Variants in MIDN observed in about 807,000 individuals in gnomAD.
MIDN encodes the protein midnolin.
In MIDN, 26 loss-of-function variants were observed where a neutral mutation model predicts 46.1. That is an observed-to-expected ratio of 0.56 (90% CI 0.41 to 0.78). The LOEUF is 0.78. Ranked by LOEUF, MIDN falls within the 30% of genes least tolerant of loss-of-function variation. MIDN has a pLI of 0.00. For missense variants in MIDN, 850 were observed against 771.8 expected, an observed-to-expected ratio of 1.10 and a Z score of -1.20; for synonymous variants, 432 against 343.3, an observed-to-expected ratio of 1.26 and a Z score of -2.86.
At chr19:1,251,530 C>A (rs767172503) in intron 2 of MIDN, 32 bp from the exon 3 acceptor site, 1 of 1,599,798 alleles carries the variant, frequency 6.3e-7, no homozygotes, top group Admixed American at 1.7e-5. Context: ...GTCGTCTCCG[C>A]GGAGTCTCAT....
At chr19:1,251,278 C>G (rs2081124256) in intron 2 of MIDN, 2 of 448,322 alleles carry the variant, frequency 4.5e-6, no homozygotes, top group African/African-American at 2.1e-5. Context: ...ACACTGGGGC[C>G]CAGAGGAGGA....
chr19:1,249,172 C>A (rs1030174668), intron 1 of MIDN, among the ~76,000 whole-genome samples: 1 of 148,964 alleles, frequency 6.7e-6, no homozygotes, highest in African/African-American at 2.4e-5. Context: ...GGGCGCGCCT[C>A]GGGGAAACGG....
Position 1,251,604 on chromosome 19 carries a change from T to C in MIDN, c.276T>C (p.Asp92=). 1.9e-6 allele frequency: 3 copies of C among 1,606,302 alleles called. No homozygotes were observed. Among genetic ancestry groups the C allele is most frequent in the Non-Finnish European group, 2.5e-6 (3 of 1,177,522 alleles). The part of the protein sequence containing the change: ...SGKLQEFGVG[D]GSKLTLVPTV... ...AGCTGCAGGAGTTCGGCGTGGGTGA[T>C]GGCAGCAAGCTGACCTTGGTACCCA... Residue 92 remains aspartate, a synonymous_variant, in exon 3 of 9, where the codon GAT becomes GAC. Transcript: ENST00000682408.
chr19:1,256,514 C>T (rs2081201242), intron 8 of MIDN, among the ~76,000 whole-genome samples: 2 of 151,930 alleles, frequency 1.3e-5, no homozygotes, highest in South Asian at 4.2e-4. Context: ...GGTACAACCC[C>T]CAAGTATCTC....
chr19:1,250,850 G>GC (rs1019409716), intron 2 of MIDN, among the ~76,000 whole-genome samples: 1 of 152,008 alleles, frequency 6.6e-6, no homozygotes, highest in Non-Finnish European at 1.5e-5. Context: ...CTGCGTCCGC[G>GC]CCGGCTTCCG....
Position 1,258,174 on chromosome 19 carries a change from G to A in MIDN, c.*902G>A, listed in dbSNP as rs1020526628. On this transcript the variant is annotated 3_prime_UTR_variant, in exon 9 of 9. Coordinates refer to ENST00000682408, the MANE Select transcript of MIDN (RefSeq NM_001388306.1). ...TTAATTTTCTGACTGAGCCAATAGT[G>A]GTTGGGGAACTCTTGAAAAAGGGGA... 1 of 152,626 alleles carries A rather than the reference G, an allele frequency of 6.6e-6. No individual in the cohort carries two copies. The highest frequency in any genetic ancestry group is 1.5e-5 in the Non-Finnish European group (1 of 68,064). The allele number at this position is 152,626 out of a possible 1,614,324, so 9.5% of individuals were successfully genotyped here.
Position 1,254,919 on chromosome 19 carries a change from C to A in MIDN, c.843C>A (p.Pro281=), listed in dbSNP as rs757670034. The A allele has an allele frequency of 6.2e-7, 1 of 1,607,752 alleles. No individual in the cohort carries two copies. The highest frequency in any genetic ancestry group is 1.1e-5 in the South Asian group (1 of 90,950). The change falls in exon 7 of 9, where the codon CCC becomes CCA. Residue 281 remains proline, a synonymous_variant. Transcript: ENST00000682408. ...CCCATCAGCAGATGGACTGCTCCCCCACGGCCAGCAGCAGTGCCAGTCCTG... is the reference window on the plus strand; with the variant it reads ...CCCATCAGCAGATGGACTGCTCCCCAACGGCCAGCAGCAGTGCCAGTCCTG... The part of the protein sequence containing the change: ...TTCPEQMDCS[P]TASSSASPGA...
At chr19:1,256,712 T>C (rs1456555138) in intron 8 of MIDN, among the ~76,000 whole-genome samples, 1 of 152,110 alleles carries the variant, frequency 6.6e-6, no homozygotes, top group Non-Finnish European at 1.5e-5. Context: ...GGGGTCTCGC[T>C]CTGTGGCTCA....
chr19:1,249,647 G>A (rs1013131665), intron 1 of MIDN, among the ~76,000 whole-genome samples: 4 of 147,198 alleles, frequency 2.7e-5, no homozygotes, highest in Non-Finnish European at 4.5e-5. Context: ...CCCCGCCCCC[G>A]CTGCGCTCCC....
chr19:1,254,336 C>T lies in MIDN; in HGVS notation c.683C>T (p.Ala228Val). The part of the protein sequence containing the change: ...AAAARGDPSI[A>V]SPVSSPCRPV... Reference sequence around the variant, plus strand: ...GCTGCGCGGGGGGACCCCAGCATAGCCTCCCCCGTGTCCTCGCCCTGCCGG... The same window carrying T: ...GCTGCGCGGGGGGACCCCAGCATAGTCTCCCCCGTGTCCTCGCCCTGCCGG... Residue 228 changes from alanine (A) to valine (V), a missense_variant, in exon 6 of 9, where the codon GCC (alanine) becomes GTC (valine). Ala to Val is a moderately conservative substitution (Grantham distance 64, BLOSUM62 0). Coordinates refer to ENST00000682408, the MANE Select transcript of MIDN (RefSeq NM_001388306.1). The T allele has an allele frequency of 3.8e-6, 6 of 1,567,986 alleles. No homozygotes were observed. The highest frequency in any genetic ancestry group is 5.2e-6 in the Non-Finnish European group (6 of 1,163,836).
Position 1,254,922 on chromosome 19 carries a change from G to A in MIDN, c.846G>A (p.Thr282=), listed in dbSNP as rs199949100. 13 of 1,607,752 alleles carry A rather than the reference G, an allele frequency of 8.1e-6. No homozygotes were observed. The highest frequency in any genetic ancestry group is 4.5e-5 in the East Asian group (2 of 44,758). The stretch of plus-strand genomic sequence containing the variant: ...ATCAGCAGATGGACTGCTCCCCCAC[G>A]GCCAGCAGCAGTGCCAGTCCTGGTG... ...TCPEQMDCSP[T]ASSSASPGAS... Residue 282 remains threonine (T), a synonymous_variant, in exon 7 of 9, where the codon ACG becomes ACA. Transcript: ENST00000682408.
intron 4 of MIDN, among the ~76,000 whole-genome samples, chr19:1,253,221 CA>C (rs1224784898): frequency 6.6e-6 from 1 of 151,438 alleles, no homozygotes; most frequent in Non-Finnish European, 1.5e-5. Context: ...TGTCTTGGGG[CA>C]GGGGGGTAGG....
rs763911167 is a variant in MIDN, at chr19:1,255,556, C to A, written c.1120C>A (p.Arg374Ser). The A allele has an allele frequency of 2.5e-6, 4 of 1,611,824 alleles. No individual in the cohort carries two copies. Among genetic ancestry groups the A allele is most frequent in the Non-Finnish European group, 3.4e-6 (4 of 1,179,584 alleles). The stretch of plus-strand genomic sequence containing the variant: ...CATGCCCCCTTCGCTGGCCCAGCTC[C>A]GCTGCCACGCCCAGTGCTCCCCGGC... Reference protein sequence around the residue: ...QGMPPSLAQLRCHAQCSPASP... With the variant: ...QGMPPSLAQLSCHAQCSPASP... Residue 374 changes from arginine (R) to serine (S), a missense_variant, in exon 8 of 9, where the codon CGC (arginine) becomes AGC (serine). Arg to Ser is a moderately radical substitution (Grantham distance 110). Coordinates refer to ENST00000682408, the MANE Select transcript of MIDN (RefSeq NM_001388306.1).
intron 1 of MIDN, among the ~76,000 whole-genome samples, chr19:1,249,023 G>C (rs1176703289): frequency 2.0e-5 from 3 of 151,994 alleles, no homozygotes; most frequent in African/African-American, 4.8e-5. Flanking sequence ...GCCAGGGGCA[G>C]CGCGGCGCCC....
Position 1,257,534 on chromosome 19 carries a change from C to CCTT in MIDN, c.*264_*265insTCT, listed in dbSNP as rs1389523048. On this transcript the variant is annotated 3_prime_UTR_variant, in exon 9 of 9. Transcript: ENST00000682408. ...CCCTCCTCTTCCTCCTCCTCCTCCT[C>CCTT]CTCCGTCTGTCTCCTTTCACCTCTG... The CCTT allele has an allele frequency of 1.3e-5, 6 of 445,992 alleles. No individual in the cohort carries two copies. The highest frequency in any genetic ancestry group is 2.4e-5 in the Non-Finnish European group (6 of 254,042). The allele number at this position is 445,992 out of a possible 1,614,324, so 27.6% of individuals were successfully genotyped here. A position where few individuals can be genotyped will look rare whatever the true frequency, so the allele number is the denominator to read the frequency against.
In MIDN at chr19:1,251,856, G is replaced by A. The variant is rs774420248; in HGVS notation, c.339G>A (p.Pro113=). 6.2e-7 allele frequency: 1 copy of A among 1,613,452 alleles called. No individual in the cohort carries two copies. Residue 113 remains proline (P), a synonymous_variant, in exon 4 of 9, where the codon CCG becomes CCA. Transcript: ENST00000682408. ...EAGLMSQASR[P]EQSVMQALES... ...CTTTGTAGTCTCAGGCCTCAAGGCC[G>A]GAACAGTCCGTGATGCAAGCTCTCG...
In MIDN at chr19:1,251,596, G is replaced by A; in HGVS notation, c.268G>A (p.Val90Met). 3 of 1,606,604 alleles carry A rather than the reference G, an allele frequency of 1.9e-6. No individual in the cohort carries two copies. Among genetic ancestry groups the A allele is most frequent in the Non-Finnish European group, 2.5e-6 (3 of 1,177,570 alleles). ...TTCGGGGAAGCTGCAGGAGTTCGGCGTGGGTGATGGCAGCAAGCTGACCTT... is the reference window on the plus strand; with the variant it reads ...TTCGGGGAAGCTGCAGGAGTTCGGCATGGGTGATGGCAGCAAGCTGACCTT... ...LSSGKLQEFG[V>M]GDGSKLTLVP... Residue 90 changes from valine (V) to methionine (M), a missense_variant, in exon 3 of 9, where the codon GTG (valine) becomes ATG (methionine). Coordinates refer to ENST00000682408, the MANE Select transcript of MIDN (RefSeq NM_001388306.1).
At position 1,257,498 on chromosome 19, in the gene MIDN, C is replaced by A; in HGVS notation, c.*226C>A. The A allele has an allele frequency of 2.0e-6, 1 of 506,592 alleles. No individual in the cohort carries two copies. Among genetic ancestry groups the A allele is most frequent in the Non-Finnish European group, 3.4e-6 (1 of 290,670 alleles). The allele number at this position is 506,592 out of a possible 1,614,324, so 31.4% of individuals were successfully genotyped here. Reference sequence around the variant, plus strand: ...GGCTTTGCTTCCTACCTCCTTCACCCTTCACTCCTGCCCTCCTCTTCCTCC... The same window carrying A: ...GGCTTTGCTTCCTACCTCCTTCACCATTCACTCCTGCCCTCCTCTTCCTCC... On this transcript the variant is annotated 3_prime_UTR_variant, in exon 9 of 9. Coordinates refer to ENST00000682408, the MANE Select transcript of MIDN (RefSeq NM_001388306.1).
intron 2 of MIDN, 145 bp from the exon 3 acceptor site, chr19:1,251,417 G>A (rs1181725888): frequency 1.0e-5 from 7 of 687,178 alleles, no homozygotes; most frequent in Admixed American, 9.4e-5. Context: ...ACGCGCTTAG[G>A]GCCCTGGATC....
Sources: gnomAD v4.1 joint callset for allele counts (sites outside exome capture counted in the v4.1 genomes callset) on GRCh38, gnomAD v4.1.1 for gene constraint, MANE v1.5 for transcripts, NCBI Gene and HGNC (gene_info 2026-07-23, HGNC 2026-07-21) for gene names.